ZNF705B: variants seen among roughly 807,000 people sequenced by gnomAD.
ZNF705B encodes the protein Putative zinc finger protein 705D-like protein LOC100132396.
A neutral mutation model predicts 10.5 loss-of-function variants in ZNF705B; 1 was observed. The ratio of observed to expected loss-of-function variants is 0.10; its 90% CI spans 0.03 to 0.45. ZNF705B has a LOEUF of 0.45. Ranked by LOEUF, ZNF705B falls within the 20% of genes least tolerant of loss-of-function variation. The probability of loss-of-function intolerance (pLI) is 0.97; values close to 1 mark genes in which losing one functional copy is unlikely to be tolerated. For missense variants in ZNF705B, 14 were observed against 84.0 expected (o/e 0.17, Z 3.26); for synonymous variants, 4 against 25.4 (o/e 0.16, Z 2.53).
At chr8:7,930,851 T>G (rs1025792133) in intron 2 of ZNF705B, among the ~76,000 whole-genome samples, 5 of 103,610 alleles carry the variant, frequency 4.8e-5, no homozygotes, top group African/African-American at 8.6e-5. Context: ...TTTTTGTTTT[T>G]TTTTTTGTTG....
chr8:7,927,641 C>T (rs1167030817), intron 1 of ZNF705B, among the ~76,000 whole-genome samples: 1 of 121,138 alleles, frequency 8.3e-6, no homozygotes, highest in Non-Finnish European at 1.9e-5. Flanking sequence ...ATAGCCATCA[C>T]CAAATAAACA....
At chr8:7,932,139 G>A (rs1331266989) in intron 2 of ZNF705B, among the ~76,000 whole-genome samples, 1 of 121,032 alleles carries the variant, frequency 8.3e-6, no homozygotes, top group African/African-American at 2.5e-5. Context: ...GTAGTCTCAG[G>A]GCCTGCAAGG....
intron 2 of ZNF705B, among the ~76,000 whole-genome samples, chr8:7,940,317 G>A (rs1379193125): frequency 4.7e-5 from 7 of 148,510 alleles, no homozygotes; most frequent in African/African-American, 1.7e-4. Flanking sequence ...TATTTAAGGT[G>A]TACATCTCAG....
At chr8:7,940,766 G>A (rs1222586180) in intron 2 of ZNF705B, among the ~76,000 whole-genome samples, 1 of 140,210 alleles carries the variant, frequency 7.1e-6, no homozygotes, top group Non-Finnish European at 1.6e-5. Flanking sequence ...CAAATGACAG[G>A]GTTTCGTTAT....
intron 1 of ZNF705B, among the ~76,000 whole-genome samples, chr8:7,928,086 A>T (rs1819747290): frequency 8.3e-6 from 1 of 119,870 alleles, no homozygotes; most frequent in East Asian, 2.4e-4. Context: ...GAAGTCCAAG[A>T]TCAAGACACC....
intron 2 of ZNF705B, among the ~76,000 whole-genome samples, chr8:7,941,150 A>G (rs1203876011): frequency 6.8e-6 from 1 of 147,044 alleles, no homozygotes; most frequent in Non-Finnish European, 1.5e-5. Context: ...CAATGAACAT[A>G]TGTGTGCATG....
At position 7,940,995 on chromosome 8, in the gene ZNF705B, C is replaced by T. The variant is rs1401658265; in HGVS notation, c.-71-6356C>T. ...GAGAATAATGGCTTCCAGCTCCATT[C>T]ATGTTCCTGCAAAGAACATGATCTC... On this transcript the variant is annotated intron_variant, in intron 2 of 6. Coordinates refer to ENST00000400120, the MANE Select transcript of ZNF705B (RefSeq NM_001193630.1). Among the ~76,000 whole-genome samples, 5 of 148,962 alleles carry T rather than the reference C, an allele frequency of 3.4e-5. No homozygotes were observed. The South Asian group carries it at 1.1e-3, about 33-fold the overall frequency.
intron 1 of ZNF705B, among the ~76,000 whole-genome samples, chr8:7,927,428 CT>C (rs1819723588): frequency 8.3e-6 from 1 of 121,104 alleles, no homozygotes; most frequent in African/African-American, 2.5e-5. Flanking sequence ...TGATGATGAG[CT>C]TTTTTTCATG....
intron 4 of ZNF705B, among the ~76,000 whole-genome samples, chr8:7,949,773 T>C (rs1308552876): frequency 2.5e-5 from 1 of 40,148 alleles, no homozygotes; most frequent in African/African-American, 5.7e-5. Flanking sequence ...GCATTGTGTC[T>C]TGGAACTTAG....
chr8:7,927,227 C>T lies in ZNF705B; in HGVS notation c.-222+830C>T, dbSNP rs557857835. 1.9e-3 allele frequency among the ~76,000 whole-genome samples: 228 copies of T among 118,408 alleles called. 10 individuals carry two copies. The highest frequency in any genetic ancestry group is 5.0e-3 in the African/African-American group (199 of 39,486). 77.7% of individuals were successfully genotyped at this position (118,408 alleles called of 152,430 possible). ...CACACCCAAAATGGCCAAAGTTTCC[C>T]TACCAGCCTCTAATTCCATGGGCCC... is the stretch of plus-strand genomic sequence containing the variant. On this transcript the variant is annotated intron_variant, in intron 1 of 6. Coordinates refer to ENST00000400120, the MANE Select transcript of ZNF705B (RefSeq NM_001193630.1).
Position 7,929,693 on chromosome 8 carries a change from T to C in ZNF705B, c.-221-594T>C, listed in dbSNP as rs561338780. On this transcript the variant is annotated intron_variant, in intron 1 of 6. Coordinates refer to ENST00000400120, the MANE Select transcript of ZNF705B (RefSeq NM_001193630.1). ...CTCTCTAGCTGAATTGTTGTCGTTG[T>C]TGTTGTTCTTCTTCTTTTTAAATTT... Among the ~76,000 whole-genome samples the C allele has an allele frequency of 2.6e-5, 3 of 117,162 alleles. No individual in the cohort carries two copies. In the East Asian group the frequency reaches 7.3e-4, roughly 29 times the overall value. 76.9% of individuals were successfully genotyped at this position (117,162 alleles called of 152,430 possible).
intron 2 of ZNF705B, among the ~76,000 whole-genome samples, chr8:7,935,727 G>A (rs1229885582): frequency 5.7e-5 from 5 of 87,228 alleles, no homozygotes; most frequent in African/African-American, 8.5e-5. Context: ...TGCAAATTGG[G>A]AAATAAAGGT....
chr8:7,940,352 A>G (rs1207678878), intron 2 of ZNF705B, among the ~76,000 whole-genome samples: 1 of 147,332 alleles, frequency 6.8e-6, no homozygotes, highest in Non-Finnish European at 1.5e-5. Flanking sequence ...AGTATACACC[A>G]TGAACACATC....
intron 1 of ZNF705B, 134 bp from the exon 2 acceptor site, chr8:7,930,153 T>G (rs1414524862): frequency 8.5e-6 from 1 of 117,320 alleles, no homozygotes; most frequent in Non-Finnish European, 2.0e-5. Context: ...CTCTAGTAGT[T>G]CACAGTGTCT....
Position 7,932,544 on chromosome 8 carries a change from T to C in ZNF705B, c.-72+2108T>C, listed in dbSNP as rs1387002026. On this transcript the variant is annotated intron_variant, in intron 2 of 6. Transcript: ENST00000400120. The stretch of plus-strand genomic sequence containing the variant: ...CTAGGGAAGCACTTACTCTAAGAAG[T>C]AAATGTTATATAGTGCAAAAATATA... 4.1e-5 allele frequency among the ~76,000 whole-genome samples: 5 copies of C among 121,356 alleles called. 1 individual carries two copies. The highest frequency in any genetic ancestry group is 9.9e-5 in the Non-Finnish European group (5 of 50,654). 79.6% of individuals were successfully genotyped at this position (121,356 alleles called of 152,430 possible).
In ZNF705B at chr8:7,933,929, C is replaced by CTTTTTTTTTTTTTTTTTTT. The variant is rs1162997944; in HGVS notation, c.-72+3504_-72+3522dup. Among the ~76,000 whole-genome samples, 7 of 29,364 alleles carry CTTTTTTTTTTTTTTTTTTT rather than the reference C, an allele frequency of 2.4e-4. 1 individual carries two copies. The highest frequency in any genetic ancestry group is 4.7e-4 in the African/African-American group (6 of 12,816). The allele number at this position is 29,364 out of a possible 152,430, so 19.3% of individuals were successfully genotyped here. On this transcript the variant is annotated intron_variant, in intron 2 of 6. Coordinates refer to ENST00000400120, the MANE Select transcript of ZNF705B (RefSeq NM_001193630.1). ...ATCAAGTCATAACATGTAATATAAA[C>CTTTTTTTTTTTTTTTTTTT]TTTTTTTTTTTTTTTTTTTTTTTTT...
chr8:7,931,581 T>C (rs1819850343), intron 2 of ZNF705B, among the ~76,000 whole-genome samples: 1 of 121,962 alleles, frequency 8.2e-6, no homozygotes, highest in African/African-American at 2.5e-5. Context: ...GACAACGACC[T>C]TGGGTAGTGG....
intron 2 of ZNF705B, among the ~76,000 whole-genome samples, chr8:7,940,373 A>C (rs552225231): frequency 2.1e-5 from 3 of 145,830 alleles, no homozygotes; most frequent in Non-Finnish European, 3.0e-5. Context: ...ACTACCATCA[A>C]GATTATAACC....
At position 7,937,159 on chromosome 8, in the gene ZNF705B, T is replaced by C. The variant is rs528278270; in HGVS notation, c.-72+6723T>C. 1.2e-3 allele frequency among the ~76,000 whole-genome samples: 138 copies of C among 116,072 alleles called. 3 individuals are homozygous for C. Among genetic ancestry groups the C allele is most frequent in the African/African-American group, 3.2e-3 (122 of 38,384 alleles). The allele number at this position is 116,072 out of a possible 152,430, so 76.1% of individuals were successfully genotyped here. On this transcript the variant is annotated intron_variant, in intron 2 of 6. Transcript: ENST00000400120. ...TGGAAAGGAAGAAACTTGCCCAAGA[T>C]TACCCAGTGATCGAGTGAAGCAGAT...
Sources: allele counts gnomAD v4.1 joint callset (sites outside exome capture counted in the v4.1 genomes callset), GRCh38; gene constraint gnomAD v4.1.1; transcripts MANE v1.5; gene names NCBI Gene and HGNC (gene_info 2026-07-23, HGNC 2026-07-21).